MSRA: variants seen among roughly 807,000 people sequenced by gnomAD.
The protein encoded by MSRA is mitochondrial peptide methionine sulfoxide reductase.
A neutral mutation model predicts 31.3 loss-of-function variants in MSRA; 54 were observed. The observed-to-expected ratio is 1.73, with a 90% CI of 1.39 to 2.17. The LOEUF (loss-of-function observed/expected upper bound fraction) is 2.17, where lower values mean the gene tolerates loss of function less well. MSRA is among the 30% of genes most tolerant of loss of function. The pLI is 0.00. For synonymous variants in MSRA, 169 were observed against 116.5 expected, an observed-to-expected ratio of 1.45 and a Z score of -2.90; for missense variants, 507 against 300.9, an observed-to-expected ratio of 1.69 and a Z score of -5.07.
chr8:10,404,754 TC>T (rs1807694754), intron 5 of MSRA, among the ~76,000 whole-genome samples: 1 of 152,202 alleles, frequency 6.6e-6, no homozygotes, highest in South Asian at 2.1e-4. Context: ...GAGGGCTTAT[TC>T]CAGAGTCGCA....
chr8:10,271,614 G>A (rs369595647), intron 3 of MSRA, among the ~76,000 whole-genome samples: 1 of 53,572 alleles, frequency 1.9e-5, no homozygotes, highest in African/African-American at 5.8e-5. Flanking sequence ...AAAAAATTCC[G>A]ATTTATCAGA....
At chr8:10,286,318 G>GGGGCA (rs1262260409) in intron 3 of MSRA, among the ~76,000 whole-genome samples, 3 of 152,102 alleles carry the variant, frequency 2.0e-5, no homozygotes, top group Non-Finnish European at 4.4e-5. Context: ...TTGAATCATG[G>GGGGCA]GGGCAGGTCT....
At chr8:10,277,477 C>A (rs891686754) in intron 3 of MSRA, among the ~76,000 whole-genome samples, 13 of 152,168 alleles carry the variant, frequency 8.5e-5, no homozygotes, top group Non-Finnish European at 1.5e-5. Flanking sequence ...CCTTCTAGTT[C>A]TATTCTGTAT....
intron 1 of MSRA, among the ~76,000 whole-genome samples, chr8:10,139,576 A>G (rs1585012823): frequency 6.6e-6 from 1 of 152,188 alleles, no homozygotes; most frequent in Non-Finnish European, 1.5e-5. Context: ...ATGTCCATGT[A>G]TACACATTAT....
chr8:10,300,698 C>G (rs750638781), intron 3 of MSRA, among the ~76,000 whole-genome samples: 1 of 152,156 alleles, frequency 6.6e-6, no homozygotes, highest in Non-Finnish European at 1.5e-5. Flanking sequence ...AAATTCTTTA[C>G]TACACATAAG....
chr8:10,300,319 G>C (rs375070453), intron 3 of MSRA, among the ~76,000 whole-genome samples: 7 of 151,760 alleles, frequency 4.6e-5, no homozygotes, highest in Admixed American at 1.3e-4. Context: ...GCAGTGGTGC[G>C]ATCTCGGCTT....
chr8:10,072,164 G>C lies in MSRA; in HGVS notation c.142+17506G>C, dbSNP rs181097012. On this transcript the variant is annotated intron_variant, in intron 1 of 5. Transcript: ENST00000317173. ...ATGAGCTTGCAGCAGTGAGAGATAC[G>C]TATTCCACACAAGGCATAAGCCTGC... 7.9e-5 allele frequency among the ~76,000 whole-genome samples: 12 copies of C among 152,248 alleles called. No homozygotes were observed. In the South Asian group the frequency reaches 1.0e-3, roughly 13 times the overall value.
chr8:10,329,525 T>C (rs1802570845), intron 5 of MSRA, among the ~76,000 whole-genome samples: 1 of 152,222 alleles, frequency 6.6e-6, no homozygotes, highest in African/African-American at 2.4e-5. Context: ...CCCCCTTATT[T>C]AGTTACATCT....
chr8:10,190,229 C>T (rs951120384), intron 1 of MSRA, among the ~76,000 whole-genome samples: 2 of 152,088 alleles, frequency 1.3e-5, no homozygotes, highest in Non-Finnish European at 2.9e-5. Flanking sequence ...TTGAGCCTGC[C>T]CCAGTCATGG....
chr8:10,123,475 T>C lies in MSRA; in HGVS notation c.142+68817T>C, dbSNP rs187601207. 3.6e-3 allele frequency among the ~76,000 whole-genome samples: 554 copies of C among 152,322 alleles called. 6 individuals are homozygous for C. The highest frequency in any genetic ancestry group is 6.2e-3 in the Admixed American group (95 of 15,290). On this transcript the variant is annotated intron_variant, in intron 1 of 5. Transcript: ENST00000317173. ...TCTCCCATTCTGTAGGTTGTCTGTT[T>C]ACTCTGTTGATAGTTTCTTTTGCTG...
At chr8:10,375,244 A>C (rs1003180021) in intron 5 of MSRA, among the ~76,000 whole-genome samples, 5 of 152,170 alleles carry the variant, frequency 3.3e-5, no homozygotes, top group African/African-American at 1.2e-4. Flanking sequence ...CAAAACATTT[A>C]GGGAGAAACA....
At chr8:10,420,913 C>T (rs1808775106) in intron 5 of MSRA, among the ~76,000 whole-genome samples, 1 of 149,606 alleles carries the variant, frequency 6.7e-6, no homozygotes. Context: ...AGGAGAATCA[C>T]TTGAGCCTGA....
chr8:10,159,950 T>C (rs944673962), intron 1 of MSRA, among the ~76,000 whole-genome samples: 6 of 152,256 alleles, frequency 3.9e-5, no homozygotes, highest in African/African-American at 1.4e-4. Context: ...TTATAAAGTT[T>C]CCTTTGGTTT....
In MSRA at chr8:10,428,267, C is replaced by G; in HGVS notation, c.663C>G (p.Gly221=). The change falls in exon 6 of 6, where the codon GGC becomes GGG. Residue 221 remains glycine, a synonymous_variant. Transcript: ENST00000317173. ...GCAAGAACCCCAATGGCTACTGCGG[C>G]CTTGGGGGCACCGGCGTGTCCTGCC... ...YLSKNPNGYC[G]LGGTGVSCPV... is the part of the protein sequence containing the mutation. 1 of 1,614,190 alleles carries G rather than the reference C, an allele frequency of 6.2e-7. No homozygotes were observed. The highest frequency in any genetic ancestry group is 8.5e-7 in the Non-Finnish European group (1 of 1,180,036).
chr8:10,096,418 A>T (rs991633418), intron 1 of MSRA: 1 of 409,228 alleles, frequency 2.4e-6, no homozygotes, highest in African/African-American at 2.2e-5. Flanking sequence ...GCGATTAGTG[A>T]ATTCTCATTG....
chr8:10,225,427 T>C (rs1057273269), intron 2 of MSRA, among the ~76,000 whole-genome samples: 1 of 152,246 alleles, frequency 6.6e-6, no homozygotes, highest in South Asian at 2.1e-4. Context: ...CTTGGATTAC[T>C]TGGGGCCTAG....
At chr8:10,192,361 C>T (rs991378565) in intron 1 of MSRA, among the ~76,000 whole-genome samples, 5 of 152,320 alleles carry the variant, frequency 3.3e-5, no homozygotes, top group Middle Eastern at 3.4e-3. Flanking sequence ...AACCAGTGAG[C>T]GGTAGAGTGG....
chr8:10,308,991 C>T (rs114954315), intron 4 of MSRA, among the ~76,000 whole-genome samples: 7 of 152,188 alleles, frequency 4.6e-5, no homozygotes, highest in Non-Finnish European at 8.8e-5. Context: ...GCTCCAGGAT[C>T]GAGGAGAGCA....
chr8:10,158,629 C>T (rs1005241008), intron 1 of MSRA, among the ~76,000 whole-genome samples: 5 of 152,204 alleles, frequency 3.3e-5, no homozygotes, highest in African/African-American at 1.2e-4. Context: ...ATGTATTCAT[C>T]AGTTGACAGA....
Sources: gnomAD v4.1 joint callset for allele counts (sites outside exome capture counted in the v4.1 genomes callset) on GRCh38, gnomAD v4.1.1 for gene constraint, MANE v1.5 for transcripts, NCBI Gene and HGNC (gene_info 2026-07-23, HGNC 2026-07-21) for gene names.